PEX16: variants seen among roughly 807,000 people sequenced by gnomAD.
The protein encoded by PEX16 is peroxisomal biogenesis factor 16, also known as peroxin 16.
Under a neutral mutation model 50.5 loss-of-function variants are expected in PEX16, and 37 were observed. That is an observed-to-expected ratio of 0.73 (90% CI 0.56 to 0.96). PEX16 has a LOEUF of 0.96. Among genes scored for constraint, PEX16 ranks in the 40% least tolerant of loss-of-function variants. PEX16 has a pLI of 0.00. For synonymous variants in PEX16, 185 were observed against 190.3 expected (o/e 0.97, Z 0.23); for missense variants, 401 against 438.3 (o/e 0.91, Z 0.76).
intron 8 of PEX16, 23 bp downstream of exon 8, chr11:45,914,108 G>A: frequency 6.3e-7 from 1 of 1,585,752 alleles, no homozygotes; most frequent in Non-Finnish European, 8.6e-7. Context: ...GGAGAGTGAA[G>A]CCCCAGGCAG....
intron 9 of PEX16, among the ~76,000 whole-genome samples, chr11:45,912,606 C>T (rs564445800): frequency 1.3e-5 from 2 of 152,116 alleles, no homozygotes; most frequent in East Asian, 1.9e-4. Context: ...TGGGTTCAAG[C>T]GATTCTCCTG....
intron 5 of PEX16, 24 bp from the exon 6 acceptor site, chr11:45,914,708 A>C: frequency 6.3e-7 from 1 of 1,597,992 alleles, no homozygotes; most frequent in African/African-American, 1.3e-5. Flanking sequence ...ACAGAAGGCC[A>C]TACAGTCAGA....
chr11:45,916,053 T>A (rs1433194338), intron 3 of PEX16, among the ~76,000 whole-genome samples, 174 bp downstream of exon 3: 1 of 152,026 alleles, frequency 6.6e-6, no homozygotes, highest in African/African-American at 2.4e-5. Flanking sequence ...AGTCTCTTCA[T>A]CTAAGATGGG....
Position 45,914,227 on chromosome 11 carries a change from G to GTC in PEX16, c.695-26_695-25dup, listed in dbSNP as rs770341289. ...CACTGACGGCCAAGGCGTCAAGGATGTCTCCAGCACAGGGGCCTTGCTCAG... is the reference window on the plus strand; with the variant it reads ...CACTGACGGCCAAGGCGTCAAGGATGTCTCTCCAGCACAGGGGCCTTGCTCAG... On this transcript the variant is annotated intron_variant, in intron 7 of 10. Transcript: ENST00000378750. 3 of 1,613,456 alleles carry GTC rather than the reference G, an allele frequency of 1.9e-6. No individual in the cohort carries two copies. In the African/African-American group the frequency reaches 4.0e-5, roughly 22 times the overall value.
At position 45,915,266 on chromosome 11, in the gene PEX16, G is replaced by C. The variant is rs939108; in HGVS notation, c.460+202C>G. On this transcript the variant is annotated intron_variant, in intron 5 of 10. Coordinates refer to ENST00000378750, the MANE Select transcript of PEX16 (RefSeq NM_004813.4). ...TACAAAAATGAATGACTCTGGCCAT[G>C]ACAAGTACTGGGTTCGTGTTCTGAT... is the stretch of plus-strand genomic sequence containing the variant. Among the ~76,000 whole-genome samples, 120,019 of 152,224 alleles carry C rather than the reference G, an allele frequency of 0.79. 49,474 individuals carry two copies. The highest frequency in any genetic ancestry group is 0.92 in the Non-Finnish European group (62,740 of 68,012).
chr11:45,911,756 G>C (rs2086780690), intron 9 of PEX16: 1 of 152,310 alleles, frequency 6.6e-6, no homozygotes, highest in African/African-American at 2.4e-5. Flanking sequence ...GGGTGTGGTG[G>C]CTCATGCCTA....
In PEX16 at chr11:45,914,108, GC is replaced by G. The variant is rs943394366; in HGVS notation, c.767+22del. On this transcript the variant is annotated intron_variant, in intron 8 of 10. Coordinates refer to ENST00000378750, the MANE Select transcript of PEX16 (RefSeq NM_004813.4). ...AGCAGAAAGCCCAGTGGAGAGTGAAGCCCCAGGCAGGCCCAGGCTCACCTGG... is the reference window on the plus strand; with the variant it reads ...AGCAGAAAGCCCAGTGGAGAGTGAAGCCCAGGCAGGCCCAGGCTCACCTGG... 8 of 1,585,632 alleles carry G rather than the reference GC, an allele frequency of 5.0e-6. No homozygotes were observed. In the African/African-American group the frequency reaches 9.4e-5, roughly 19 times the overall value.
chr11:45,917,223 A>G, intron 2 of PEX16: 1 of 695,940 alleles, frequency 1.4e-6, no homozygotes, highest in South Asian at 1.5e-5. Flanking sequence ...AAAGGCACTT[A>G]GTCCAGCGCC....
rs11553094 is a variant in PEX16 at position 45,915,755 on chromosome 11, C to T, written c.307G>A (p.Val103Met). 0.026 allele frequency: 41,457 copies of T among 1,613,992 alleles called. 634 individuals carry two copies. The highest frequency in any genetic ancestry group is 0.06 in the Middle Eastern group (361 of 6,062). ...EVFMEMGAAK[V>M]WGEVGRWLVI... ...AGCCAGCGGCCCACTTCACCCCACA[C>T]CTTGGCAGCTCCCATCTCCATGAAC... Residue 103 changes from valine (V) to methionine (M), a missense_variant, in exon 4 of 11, where the codon GTG becomes ATG. Transcript: ENST00000378750.
chr11:45,917,622 C>T, intron 1 of PEX16, 78 bp downstream of exon 1: 1 of 1,486,996 alleles, frequency 6.7e-7, no homozygotes, highest in South Asian at 1.2e-5. Flanking sequence ...CGATCACTAC[C>T]CTGACTCCGC....
intron 2 of PEX16, chr11:45,917,175 TA>T: frequency 1.5e-6 from 1 of 689,428 alleles, no homozygotes; most frequent in Non-Finnish European, 2.7e-6. Context: ...AAGTACCACT[TA>T]ATATGACTGT....
intron 4 of PEX16, 24 bp from the exon 5 acceptor site, chr11:45,915,592 T>C (rs747425342): frequency 1.1e-5 from 17 of 1,613,214 alleles, no homozygotes; most frequent in Non-Finnish European, 1.3e-5. Context: ...TATGTCAGGG[T>C]TGTGGGGAGG....
chr11:45,912,832 G>C (rs1251946346), intron 9 of PEX16, among the ~76,000 whole-genome samples: 1 of 149,590 alleles, frequency 6.7e-6, no homozygotes, highest in South Asian at 2.1e-4. Context: ...TTTTTTTTCT[G>C]TTTTGTTTTT....
chr11:45,915,608 A>T, intron 4 of PEX16, 40 bp from the exon 5 acceptor site: 1 of 1,612,570 alleles, frequency 6.2e-7, no homozygotes, highest in Non-Finnish European at 8.5e-7. Flanking sequence ...GGAGGTGGCT[A>T]GCCGGCGGGA....
chr11:45,915,614 C>T (rs1565081802), intron 4 of PEX16, 46 bp from the exon 5 acceptor site: 19 of 1,612,556 alleles, frequency 1.2e-5, no homozygotes, highest in African/African-American at 4.0e-5. Context: ...GGCTAGCCGG[C>T]GGGAGGCCAG....
intron 9 of PEX16, among the ~76,000 whole-genome samples, chr11:45,912,808 T>C (rs976926666): frequency 1.6e-4 from 25 of 151,754 alleles, no homozygotes; most frequent in African/African-American, 4.6e-4. Flanking sequence ...GGCTAAACTA[T>C]GCCAGTTTTG....
At position 45,910,961 on chromosome 11, in the gene PEX16, C is replaced by T. The variant is rs552589664; in HGVS notation, c.889G>A (p.Ala297Thr). ...AACTGGAGCAGGAAGAGGATCCTGG[C>T]CCTGGGGGAGGCAATAAATGGGGAG... is the stretch of plus-strand genomic sequence containing the variant. Reference protein sequence around the residue: ...RSPFYDRFSEARILFLLQLLA... With the variant: ...RSPFYDRFSETRILFLLQLLA... Residue 297 changes from alanine to threonine, a missense_variant and splice_region_variant, in exon 10 of 11, where the codon GCC (alanine) becomes ACC (threonine). Physicochemically the swap from Ala to Thr is moderately conservative, Grantham distance 58. Coordinates refer to ENST00000378750, the MANE Select transcript of PEX16 (RefSeq NM_004813.4). 1 of 1,613,048 alleles carries T rather than the reference C, an allele frequency of 6.2e-7. No homozygotes were observed. The highest frequency in any genetic ancestry group is 1.3e-5 in the African/African-American group (1 of 75,056).
At position 45,914,375 on chromosome 11, in the gene PEX16, G is replaced by T; in HGVS notation, c.635C>A (p.Pro212His). The T allele has an allele frequency of 1.2e-6, 2 of 1,610,894 alleles. No individual in the cohort carries two copies. The highest frequency in any genetic ancestry group is 2.2e-5 in the South Asian group (2 of 91,090). Residue 212 changes from proline to histidine, a missense_variant, in exon 7 of 11, where the codon CCC becomes CAC. Transcript: ENST00000378750. ...TGCGATGGTCTCCTGCAGCCCCAGG[G>T]GGGTGGGGGTCGCACTCAGCTCCTC... ...HHEELSATPTPLGLQETIAEF... is the reference protein window; with the variant it reads ...HHEELSATPTHLGLQETIAEF...
intron 9 of PEX16, among the ~76,000 whole-genome samples, chr11:45,912,985 G>A (rs557761791): frequency 8.2e-4 from 100 of 121,662 alleles, no homozygotes; most frequent in African/African-American, 2.6e-3. Flanking sequence ...ACCATGTCTG[G>A]CTAATTATTA....
Sources: gnomAD v4.1 joint callset for allele counts (sites outside exome capture counted in the v4.1 genomes callset) on GRCh38, gnomAD v4.1.1 for gene constraint, MANE v1.5 for transcripts, NCBI Gene and HGNC (gene_info 2026-07-23, HGNC 2026-07-21) for gene names.